Variants in THEMIS observed in about 807,000 individuals in gnomAD.
THEMIS encodes the protein thymocyte selection associated.
In THEMIS, 37 loss-of-function variants were observed where a neutral mutation model predicts 52.6. The ratio of observed to expected loss-of-function variants is 0.70; its 90% CI spans 0.54 to 0.93. The LOEUF is 0.93. Among genes scored for constraint, THEMIS ranks in the 40% least tolerant of loss-of-function variants. The probability of loss-of-function intolerance (pLI) is 0.00; values close to 1 mark genes in which losing one functional copy is unlikely to be tolerated. For synonymous variants in THEMIS, 292 were observed against 272.7 expected (o/e 1.07, Z -0.70); for missense variants, 808 against 763.1 (o/e 1.06, Z -0.69).
rs1297988572 is a variant in THEMIS, at chr6:127,708,218, T to C, written c.*1767A>G. On this transcript the variant is annotated 3_prime_UTR_variant, in exon 6 of 6. Coordinates refer to ENST00000368248, the MANE Select transcript of THEMIS (RefSeq NM_001010923.3). Reference sequence around the variant, plus strand: ...ATACAAATAAAAATTAGGAAGTTTATTTTCAACCTTCCCAAATCTCCAATA... The same window carrying C: ...ATACAAATAAAAATTAGGAAGTTTACTTTCAACCTTCCCAAATCTCCAATA... The C allele has an allele frequency of 6.6e-6, 1 of 152,128 alleles. No homozygotes were observed. 9.4% of individuals were successfully genotyped at this position (152,128 alleles called of 1,614,324 possible).
chr6:127,849,719 T>G (rs866566324), intron 2 of THEMIS, among the ~76,000 whole-genome samples: 27 of 151,942 alleles, frequency 1.8e-4, no homozygotes, highest in African/African-American at 6.5e-4. Flanking sequence ...TGATCCCCAT[T>G]TCTCATGTTA....
rs150025117 is a variant in THEMIS at position 127,719,335 on chromosome 6, C to G, written c.1894+353G>C. 2.0e-5 allele frequency among the ~76,000 whole-genome samples: 3 copies of G among 152,044 alleles called. 1 individual carries two copies. The East Asian group carries it at 5.8e-4, about 30-fold the overall frequency. ...TGACGCTTCTTTAAATTTAAAACAT[C>G]TCAATTATTTTAACCTCTTTTCAAG... On this transcript the variant is annotated intron_variant, in intron 5 of 5. Coordinates refer to ENST00000368248, the MANE Select transcript of THEMIS (RefSeq NM_001010923.3).
chr6:127,730,227 A>T (rs150381531), intron 4 of THEMIS, among the ~76,000 whole-genome samples: 2,731 of 151,468 alleles, frequency 0.018, 94 homozygotes, highest in African/African-American at 0.063. Flanking sequence ...TGATTGTGCC[A>T]CTGCAGTCCA....
At chr6:127,799,175 A>G (rs1447752250) in intron 4 of THEMIS, among the ~76,000 whole-genome samples, 1 of 152,230 alleles carries the variant, frequency 6.6e-6, no homozygotes, top group Non-Finnish European at 1.5e-5. Flanking sequence ...AAAGAAAGCC[A>G]CAACACGTTC....
intron 4 of THEMIS, among the ~76,000 whole-genome samples, chr6:127,792,394 A>T (rs1777189387): frequency 2.0e-5 from 3 of 152,216 alleles, no homozygotes. Context: ...GAGTTTTCTC[A>T]GCTATAAAAT....
chr6:127,906,527 C>T (rs1467849054), intron 1 of THEMIS, among the ~76,000 whole-genome samples: 1 of 151,902 alleles, frequency 6.6e-6, no homozygotes, highest in Non-Finnish European at 1.5e-5. Context: ...AGCAATTTCA[C>T]ATTTAGATAT....
At chr6:127,798,569 C>G (rs1282565679) in intron 4 of THEMIS, among the ~76,000 whole-genome samples, 1 of 152,144 alleles carries the variant, frequency 6.6e-6, no homozygotes, top group East Asian at 1.9e-4. Context: ...CTTCAGTGTT[C>G]ATGTCTTGGG....
chr6:127,770,525 C>A (rs1300981746), intron 4 of THEMIS, among the ~76,000 whole-genome samples: 2 of 152,050 alleles, frequency 1.3e-5, no homozygotes, highest in African/African-American at 4.8e-5. Flanking sequence ...TGGATATTAG[C>A]CCTTTGTCAC....
intron 1 of THEMIS, among the ~76,000 whole-genome samples, chr6:127,917,086 A>G (rs760084447): frequency 9.8e-5 from 15 of 152,374 alleles, no homozygotes; most frequent in Non-Finnish European, 1.9e-4. Context: ...AAAACAAACC[A>G]AAAAAGCTTT....
chr6:127,815,262 A>G (rs1778087226), intron 3 of THEMIS, among the ~76,000 whole-genome samples: 1 of 152,198 alleles, frequency 6.6e-6, no homozygotes, highest in African/African-American at 2.4e-5. Context: ...TAGCATTTTC[A>G]TGATATGGCA....
the THEMIS span, among the ~76,000 whole-genome samples, chr6:127,700,487 A>G: frequency 2.6e-5 from 4 of 152,062 alleles, no homozygotes; most frequent in Admixed American, 6.5e-5. Context: ...TTTACTTTGA[A>G]TACTGCAAAA....
intron 4 of THEMIS, among the ~76,000 whole-genome samples, chr6:127,770,085 G>A (rs934617315): frequency 1.3e-5 from 2 of 152,152 alleles, no homozygotes; most frequent in African/African-American, 2.4e-5. Context: ...ATAAACATAT[G>A]TGTGCATGTG....
At chr6:127,782,464 G>A (rs553100635) in intron 4 of THEMIS, among the ~76,000 whole-genome samples, 47 of 152,172 alleles carry the variant, frequency 3.1e-4, no homozygotes, top group East Asian at 3.9e-4. Context: ...TGTGGGTTGC[G>A]AAGACCATGG....
At chr6:127,699,055 GAT>G in the THEMIS span, among the ~76,000 whole-genome samples, 70,646 of 151,176 alleles carry the variant, frequency 0.47, 17,715 homozygotes, top group Non-Finnish European at 0.58. Context: ...ATATTTCTAG[GAT>G]ATTCCTTCCT....
At position 127,777,188 on chromosome 6, in the gene THEMIS, GTT is replaced by G. The variant is rs1047703562; in HGVS notation, c.1758+35693_1758+35694del. ...TTTGAGTTTAAATTTAACACCTTGG[GTT>G]TTTTTTTTTTCTGTTTGTTTCATTT... On this transcript the variant is annotated intron_variant, in intron 4 of 5. Transcript: ENST00000368248. Among the ~76,000 whole-genome samples the G allele has an allele frequency of 3.6e-5, 5 of 138,050 alleles. No individual in the cohort carries two copies. In the East Asian group the frequency reaches 1.0e-3, roughly 29 times the overall value. The allele number at this position is 138,050 out of a possible 152,430, so 90.6% of individuals were successfully genotyped here. A position where few individuals can be genotyped will look rare whatever the true frequency, so the allele number is the denominator to read the frequency against.
At chr6:127,745,736 T>C (rs1583225043) in intron 4 of THEMIS, among the ~76,000 whole-genome samples, 1 of 152,020 alleles carries the variant, frequency 6.6e-6, no homozygotes, top group East Asian at 1.9e-4. Flanking sequence ...TTTTGTTTTT[T>C]GTTTTAGTTC....
chr6:127,764,018 G>A lies in THEMIS; in HGVS notation c.1759-44195C>T, dbSNP rs1333026784. Among the ~76,000 whole-genome samples, 3 of 151,896 alleles carry A rather than the reference G, an allele frequency of 2.0e-5. No homozygotes were observed. The East Asian group carries it at 5.8e-4, about 29-fold the overall frequency. Reference sequence around the variant, plus strand: ...CTAAAATCTGGTTTAATTAGATGTAGTTAAGGAAGAAACAAATGAGAGTAT... The same window carrying A: ...CTAAAATCTGGTTTAATTAGATGTAATTAAGGAAGAAACAAATGAGAGTAT... On this transcript the variant is annotated intron_variant, in intron 4 of 5. Coordinates refer to ENST00000368248, the MANE Select transcript of THEMIS (RefSeq NM_001010923.3).
At chr6:127,909,442 C>A (rs1415306502) in intron 1 of THEMIS, among the ~76,000 whole-genome samples, 2 of 152,058 alleles carry the variant, frequency 1.3e-5, no homozygotes, top group Non-Finnish European at 2.9e-5. Flanking sequence ...GGAGCTTCCC[C>A]CTTCACTTGG....
intron 4 of THEMIS, among the ~76,000 whole-genome samples, chr6:127,798,837 A>C (rs1777422287): frequency 6.6e-6 from 1 of 151,734 alleles, no homozygotes; most frequent in South Asian, 2.1e-4. Context: ...AAAAAAATAC[A>C]AAAAATTAGC....
Sources: allele counts gnomAD v4.1 joint callset (sites outside exome capture counted in the v4.1 genomes callset), GRCh38; gene constraint gnomAD v4.1.1; transcripts MANE v1.5; gene names NCBI Gene and HGNC (gene_info 2026-07-23, HGNC 2026-07-21).